Variants in PDILT observed in about 807,000 individuals in gnomAD.
The protein encoded by PDILT is protein disulfide-isomerase-like protein of the testis.
A neutral mutation model predicts 53.7 loss-of-function variants in PDILT; 43 were observed. The ratio of observed to expected loss-of-function variants is 0.80; its 90% CI spans 0.63 to 1.03. The LOEUF is 1.03. PDILT is among the 50% of genes least tolerant of loss of function. PDILT has a pLI of 0.00. For missense variants in PDILT, 727 were observed against 712.3 expected (o/e 1.02, Z -0.24); for synonymous variants, 282 against 274.2 (o/e 1.03, Z -0.28).
At chr16:20,369,316 G>A (rs1255108596) in intron 8 of PDILT, among the ~76,000 whole-genome samples, 176 bp downstream of exon 8, 2 of 152,216 alleles carry the variant, frequency 1.3e-5, no homozygotes, top group Non-Finnish European at 2.9e-5. Flanking sequence ...CTTGGGATAG[G>A]TCAGAAGTTG....
intron 5 of PDILT, 144 bp downstream of exon 5, chr16:20,374,678 T>G (rs1423853703): frequency 2.2e-6 from 2 of 894,732 alleles, no homozygotes; most frequent in African/African-American, 3.3e-5. Flanking sequence ...GGAGCAACAC[T>G]GGGAGACTGT....
rs199894443 is a variant in PDILT, at chr16:20,374,975, T to C, written c.544-16A>G. On this transcript the variant is annotated splice_polypyrimidine_tract_variant and intron_variant, in intron 4 of 11. Transcript: ENST00000302451. ...CCTCTAAATCCTATTTGGGAAAGGATGTTTGGAAAGGCTTTGGTAGAAATC... is the reference window on the plus strand; with the variant it reads ...CCTCTAAATCCTATTTGGGAAAGGACGTTTGGAAAGGCTTTGGTAGAAATC... The C allele has an allele frequency of 5.9e-4, 948 of 1,596,006 alleles. 8 individuals are homozygous for C. The highest frequency in any genetic ancestry group is 3.0e-3 in the Middle Eastern group (18 of 6,006).
At chr16:20,373,264 T>C (rs1966333719) in intron 5 of PDILT, 142 bp from the exon 6 acceptor site, 1 of 700,566 alleles carries the variant, frequency 1.4e-6, no homozygotes, top group Non-Finnish European at 2.4e-6. Context: ...ATCTAGGTAG[T>C]TAATAACTAG....
intron 2 of PDILT, among the ~76,000 whole-genome samples, chr16:20,392,321 C>T (rs965534062): frequency 1.3e-5 from 2 of 152,068 alleles, no homozygotes; most frequent in African/African-American, 2.4e-5. Context: ...TGAGGTCTGT[C>T]GTGGACATGT....
At chr16:20,387,123 G>A (rs1966549947) in intron 2 of PDILT, among the ~76,000 whole-genome samples, 1 of 152,186 alleles carries the variant, frequency 6.6e-6, no homozygotes, top group Non-Finnish European at 1.5e-5. Flanking sequence ...CCATGTGCCA[G>A]GCACTGTCCT....
chr16:20,396,170 C>T (rs1407667896), intron 2 of PDILT, among the ~76,000 whole-genome samples: 2 of 152,108 alleles, frequency 1.3e-5, no homozygotes, highest in East Asian at 1.9e-4. Flanking sequence ...TCAGTTAATC[C>T]CTATAATGAC....
chr16:20,369,614 C>T lies in PDILT; in HGVS notation c.994G>A (p.Asp332Asn), dbSNP rs142699224. 31 of 1,614,046 alleles carry T rather than the reference C, an allele frequency of 1.9e-5. No individual in the cohort carries two copies. The highest frequency in any genetic ancestry group is 8.0e-5 in the African/African-American group (6 of 74,912). Residue 332 changes from aspartate to asparagine, a missense_variant, in exon 8 of 12, where the codon GAT becomes AAT. Physicochemically the swap from Asp to Asn is conservative, Grantham distance 23. Coordinates refer to ENST00000302451, the MANE Select transcript of PDILT (RefSeq NM_174924.2). ...TTTAGGATTTGGACGGATGGGATAT[C>T]GACCTCTGTGACCCGGAAGTACTTG... The part of the protein sequence containing the change: ...VFKYFRVTEV[D>N]IPSVQILNLS...
In PDILT at chr16:20,360,576, C is replaced by A; in HGVS notation, c.1498G>T (p.Glu500Ter). Residue 500 changes from glutamate (E) to a stop codon, truncating the protein, a stop_gained, in exon 11 of 12, where the codon GAG becomes TAG. Coordinates refer to ENST00000302451, the MANE Select transcript of PDILT (RefSeq NM_174924.2). LOFTEE classifies it low-confidence loss of function (END_TRUNC). ...TTTCTGTTGCCCCTTACCTCATCCT[C>A]ATCCTCAATCTTAGTTTTGATGTGG... is the stretch of plus-strand genomic sequence containing the variant. The part of the protein sequence containing the change: ...ESHIKTKIED[E>*]DELLSVEQNE... 6.2e-7 allele frequency: 1 copy of A among 1,613,470 alleles called. No homozygotes were observed. The highest frequency in any genetic ancestry group is 8.5e-7 in the Non-Finnish European group (1 of 1,179,370).
At chr16:20,365,812 G>T (rs1341753106) in intron 8 of PDILT, among the ~76,000 whole-genome samples, 3 of 150,386 alleles carry the variant, frequency 2.0e-5, no homozygotes, top group African/African-American at 7.5e-5. Context: ...GCCGGGCGCG[G>T]TGGCTCACGC....
At chr16:20,391,372 C>T (rs545022080) in intron 2 of PDILT, among the ~76,000 whole-genome samples, 15 of 152,284 alleles carry the variant, frequency 9.9e-5, no homozygotes, top group African/African-American at 3.6e-4. Flanking sequence ...TCATCATCAT[C>T]TTCATCATTA....
intron 4 of PDILT, among the ~76,000 whole-genome samples, chr16:20,375,461 G>A (rs1229308517): frequency 2.0e-5 from 3 of 152,188 alleles, no homozygotes; most frequent in Non-Finnish European, 4.4e-5. Flanking sequence ...TGGGAGGAGA[G>A]AAGTCACCAA....
intron 7 of PDILT, among the ~76,000 whole-genome samples, chr16:20,370,496 G>A (rs550370460): frequency 1.1e-4 from 16 of 152,288 alleles, no homozygotes; most frequent in African/African-American, 3.6e-4. Flanking sequence ...ACACTATTCC[G>A]GGTGGTGGAA....
intron 7 of PDILT, among the ~76,000 whole-genome samples, chr16:20,371,193 G>A (rs1051380874): frequency 6.6e-6 from 1 of 152,112 alleles, no homozygotes; most frequent in Non-Finnish European, 1.5e-5. Context: ...AGAGACTGTC[G>A]AAGATGAGGT....
intron 3 of PDILT, among the ~76,000 whole-genome samples, chr16:20,383,337 T>C (rs973498899): frequency 2.6e-5 from 4 of 152,236 alleles, no homozygotes; most frequent in East Asian, 3.9e-4. Flanking sequence ...AGCAAACACA[T>C]CACAAAGGGC....
At chr16:20,367,034 T>C (rs1375788636) in intron 8 of PDILT, among the ~76,000 whole-genome samples, 1 of 18,356 alleles carries the variant, frequency 5.4e-5, no homozygotes, top group African/African-American at 2.1e-4. Context: ...CTTCTTTCTT[T>C]CTTTCTTTCT....
At chr16:20,378,582 G>T (rs781218230) in intron 3 of PDILT, among the ~76,000 whole-genome samples, 1 of 152,060 alleles carries the variant, frequency 6.6e-6, no homozygotes. Context: ...CGTGCATTAG[G>T]TATTTGTCCT....
chr16:20,381,886 A>G (rs896966216), intron 3 of PDILT, among the ~76,000 whole-genome samples: 5 of 152,098 alleles, frequency 3.3e-5, no homozygotes, highest in Admixed American at 6.6e-5. Context: ...TTCAAAATCT[A>G]AAACTTTTAT....
intron 2 of PDILT, chr16:20,385,840 T>A (rs1966528152): frequency 6.6e-6 from 1 of 152,090 alleles, no homozygotes; most frequent in Non-Finnish European, 1.5e-5. Context: ...TAGAGGGAAA[T>A]TTTCCAAACT....
intron 1 of PDILT, among the ~76,000 whole-genome samples, chr16:20,399,854 C>T (rs1291752112): frequency 6.6e-6 from 1 of 151,834 alleles, no homozygotes; most frequent in Non-Finnish European, 1.5e-5. Context: ...AACTATAATA[C>T]ACACTTGTAA....
Sources: gnomAD v4.1 joint callset for allele counts (sites outside exome capture counted in the v4.1 genomes callset) on GRCh38, gnomAD v4.1.1 for gene constraint, MANE v1.5 for transcripts, NCBI Gene and HGNC (gene_info 2026-07-23, HGNC 2026-07-21) for gene names.